KATNAL2: variants seen among roughly 807,000 people sequenced by gnomAD.
KATNAL2 encodes the protein katanin p60 ATPase-containing subunit A-like 2.
A neutral mutation model predicts 76.3 loss-of-function variants in KATNAL2; 52 were observed. The observed-to-expected ratio is 0.68, with a 90% CI of 0.55 to 0.86. The LOEUF (loss-of-function observed/expected upper bound fraction) is 0.86, where lower values mean the gene tolerates loss of function less well. KATNAL2 is among the 40% of genes least tolerant of loss of function. KATNAL2 has a pLI of 0.00. For synonymous variants in KATNAL2, 243 were observed against 244.2 expected (o/e 1.00, Z 0.05); for missense variants, 660 against 668.9 (o/e 0.99, Z 0.15).
chr18:47,061,344 A>T (rs1287150743), intron 8 of KATNAL2, among the ~76,000 whole-genome samples: 1 of 152,218 alleles, frequency 6.6e-6, no homozygotes, highest in East Asian at 1.9e-4. Flanking sequence ...CTGGCATGTC[A>T]CATGGCAAGA....
At chr18:47,052,138 G>C (rs2061356284) in intron 4 of KATNAL2, among the ~76,000 whole-genome samples, 1 of 152,238 alleles carries the variant, frequency 6.6e-6, no homozygotes, top group African/African-American at 2.4e-5. Flanking sequence ...GACCTGGAGA[G>C]TCTTTCTTCT....
chr18:46,936,918 G>A (rs1218328479), intron 1 of KATNAL2, among the ~76,000 whole-genome samples: 1 of 152,156 alleles, frequency 6.6e-6, no homozygotes, highest in Non-Finnish European at 1.5e-5. Context: ...TCATGCCATT[G>A]CACTCCAGCC....
intron 3 of KATNAL2, among the ~76,000 whole-genome samples, chr18:46,961,048 G>T (rs1337390978): frequency 6.6e-6 from 1 of 152,206 alleles, no homozygotes; most frequent in East Asian, 1.9e-4. Context: ...ATAACTAAGG[G>T]CTACATGCAT....
chr18:47,069,390 C>T (rs1403043712), intron 12 of KATNAL2, 92 bp from the exon 13 acceptor site: 11 of 1,355,802 alleles, frequency 8.1e-6, no homozygotes, highest in South Asian at 1.3e-5. Flanking sequence ...GCTGAGCAGT[C>T]ACTTCCTTCC....
chr18:47,030,902 A>C, intron 3 of KATNAL2, among the ~76,000 whole-genome samples: 1 of 42,790 alleles, frequency 2.3e-5, no homozygotes, highest in African/African-American at 8.7e-5. Context: ...TCTGGTGGGG[A>C]CCTTCTTCGC....
At chr18:46,923,261 C>T (rs1357005441) in intron 1 of KATNAL2, among the ~76,000 whole-genome samples, 1 of 127,278 alleles carries the variant, frequency 7.9e-6, no homozygotes, top group African/African-American at 3.0e-5. Flanking sequence ...TGATGTTCCC[C>T]TTCCTGTGTC....
intron 15 of KATNAL2, among the ~76,000 whole-genome samples, chr18:47,094,469 AATTT>A (rs2063142119): frequency 1.3e-5 from 2 of 152,192 alleles, no homozygotes; most frequent in South Asian, 4.2e-4. Flanking sequence ...TTCCACCATT[AATTT>A]GTGTTGGGCT....
chr18:47,079,323 T>G (rs140586386), intron 15 of KATNAL2, among the ~76,000 whole-genome samples: 6 of 152,246 alleles, frequency 3.9e-5, no homozygotes, highest in African/African-American at 1.2e-4. Flanking sequence ...ACTGAACTGG[T>G]ATCCAAACAA....
chr18:47,039,356 G>A (rs1406064122), intron 3 of KATNAL2, among the ~76,000 whole-genome samples: 2 of 152,104 alleles, frequency 1.3e-5, no homozygotes, highest in Non-Finnish European at 2.9e-5. Context: ...AGCCCAAAGA[G>A]AAATTCTGTA....
chr18:46,928,701 C>G (rs1431116295), intron 1 of KATNAL2, among the ~76,000 whole-genome samples: 1 of 151,408 alleles, frequency 6.6e-6, no homozygotes, highest in Non-Finnish European at 1.5e-5. Flanking sequence ...ATCTTGGCTC[C>G]TCCCCCCTGA....
intron 13 of KATNAL2, among the ~76,000 whole-genome samples, chr18:47,072,390 T>G (rs2062038580): frequency 6.6e-6 from 1 of 152,158 alleles, no homozygotes; most frequent in Non-Finnish European, 1.5e-5. Context: ...CTGCAGAACA[T>G]TTATCTATTA....
intron 15 of KATNAL2, among the ~76,000 whole-genome samples, chr18:47,085,627 A>C (rs1568014832): frequency 6.6e-6 from 1 of 152,132 alleles, no homozygotes; most frequent in Non-Finnish European, 1.5e-5. Flanking sequence ...GGCCGCCCCC[A>C]GAAGAGGACT....
At chr18:46,960,911 A>G (rs1459054507) in intron 3 of KATNAL2, among the ~76,000 whole-genome samples, 1 of 152,226 alleles carries the variant, frequency 6.6e-6, no homozygotes, top group East Asian at 1.9e-4. Context: ...TTTGGCTGGG[A>G]GTGTCAGCAG....
intron 3 of KATNAL2, chr18:47,035,462 C>G (rs1037826202): frequency 8.5e-7 from 1 of 1,183,350 alleles, no homozygotes; most frequent in Admixed American, 2.8e-5. Flanking sequence ...TCCTTGCAGA[C>G]AGCTGAGCAG....
chr18:47,077,682 A>T, intron 15 of KATNAL2: 1 of 428,510 alleles, frequency 2.3e-6, no homozygotes, highest in Non-Finnish European at 4.2e-6. Context: ...CATTAACAAT[A>T]TTTAAAATGG....
intron 15 of KATNAL2, among the ~76,000 whole-genome samples, chr18:47,098,010 C>T (rs1363138389): frequency 6.6e-6 from 1 of 151,880 alleles, no homozygotes; most frequent in Non-Finnish European, 1.5e-5. Flanking sequence ...GAAATGCATG[C>T]TAAAATATTT....
chr18:46,925,147 C>G (rs1181938283), intron 1 of KATNAL2, among the ~76,000 whole-genome samples: 3 of 152,160 alleles, frequency 2.0e-5, no homozygotes, highest in Non-Finnish European at 4.4e-5. Context: ...GAGAGGGCAT[C>G]CCTGTCTTGT....
intron 13 of KATNAL2, among the ~76,000 whole-genome samples, chr18:47,071,485 A>C (rs554085059): frequency 2.6e-5 from 4 of 152,218 alleles, no homozygotes; most frequent in African/African-American, 9.6e-5. Context: ...TCTCACTAGA[A>C]TTCTTATCAC....
At chr18:47,033,584 C>A (rs748909669) in intron 3 of KATNAL2, 2 of 1,614,198 alleles carry the variant, frequency 1.2e-6, no homozygotes, top group African/African-American at 2.7e-5. Flanking sequence ...GGCCTCCACC[C>A]TTCCAGAACA....
Sources: allele counts gnomAD v4.1 joint callset (sites outside exome capture counted in the v4.1 genomes callset), GRCh38; gene constraint gnomAD v4.1.1; transcripts MANE v1.5; gene names NCBI Gene and HGNC (gene_info 2026-07-23, HGNC 2026-07-21).